The following PTPRD variants were observed in gnomAD, a reference collection of about 807,000 sequenced individuals.
PTPRD encodes the protein protein tyrosine phosphatase receptor type D.
Under a neutral mutation model 214.5 loss-of-function variants are expected in PTPRD, and 34 were observed. The ratio of observed to expected loss-of-function variants is 0.16; its 90% CI spans 0.12 to 0.21. The LOEUF (loss-of-function observed/expected upper bound fraction) is 0.21, where lower values mean the gene tolerates loss of function less well. PTPRD is among the 10% of genes least tolerant of loss of function. The probability of loss-of-function intolerance (pLI) is 1.00; values close to 1 mark genes in which losing one functional copy is unlikely to be tolerated. For synonymous variants in PTPRD, 1,128 were observed against 845.7 expected (o/e 1.33, Z -5.79); for missense variants, 2,545 against 2,398.7 (o/e 1.06, Z -1.27).
intron 3 of PTPRD, among the ~76,000 whole-genome samples, chr9:10,126,498 C>T (rs2098821068): frequency 6.6e-6 from 1 of 151,114 alleles, no homozygotes; most frequent in African/African-American, 2.4e-5. Context: ...TCCTGGCCAC[C>T]TAAAACTTTA....
chr9:9,071,161 C>T (rs774649710), intron 10 of PTPRD, among the ~76,000 whole-genome samples: 2 of 152,142 alleles, frequency 1.3e-5, no homozygotes, highest in Non-Finnish European at 2.9e-5. Context: ...ACATTTAATT[C>T]TTTCTGTGGC....
chr9:10,222,649 G>A (rs1292488775), intron 3 of PTPRD, among the ~76,000 whole-genome samples: 5 of 152,114 alleles, frequency 3.3e-5, no homozygotes, highest in Admixed American at 1.3e-4. Context: ...AACAGAAATC[G>A]TAAATGCTCA....
intron 7 of PTPRD, among the ~76,000 whole-genome samples, chr9:9,623,878 T>C (rs948169419): frequency 1.4e-4 from 22 of 152,176 alleles, no homozygotes; most frequent in African/African-American, 5.3e-4. Flanking sequence ...CCGTGCAATC[T>C]CTCTTAGATT....
chr9:9,918,350 GTAA>G (rs765487622), intron 5 of PTPRD, among the ~76,000 whole-genome samples: 9 of 21,144 alleles, frequency 4.3e-4, no homozygotes, highest in East Asian at 8.7e-4. Flanking sequence ...AACCAAAGAG[GTAA>G]AAAAAAAAAA....
intron 5 of PTPRD, among the ~76,000 whole-genome samples, chr9:9,855,511 G>A (rs1011615694): frequency 6.6e-6 from 1 of 152,162 alleles, no homozygotes; most frequent in African/African-American, 2.4e-5. Flanking sequence ...TAAAAGTAAA[G>A]CAGGATATTT....
At chr9:8,609,200 G>T (rs904053471) in intron 14 of PTPRD, among the ~76,000 whole-genome samples, 1 of 152,212 alleles carries the variant, frequency 6.6e-6, no homozygotes, top group Non-Finnish European at 1.5e-5. Flanking sequence ...ATTCCGGGAA[G>T]ATGAGACATA....
intron 2 of PTPRD, among the ~76,000 whole-genome samples, chr9:10,482,105 C>T (rs1187497114): frequency 1.3e-5 from 2 of 152,170 alleles, no homozygotes; most frequent in Non-Finnish European, 1.5e-5. Context: ...GGCGCGGTGG[C>T]TCACGCCTGT....
intron 3 of PTPRD, among the ~76,000 whole-genome samples, chr9:10,219,938 C>A (rs2099559629): frequency 1.3e-5 from 2 of 151,440 alleles, no homozygotes; most frequent in South Asian, 4.2e-4. Context: ...TTGTTATATA[C>A]AATCTGGATA....
chr9:8,905,910 T>C (rs2098704757), intron 11 of PTPRD, among the ~76,000 whole-genome samples: 1 of 152,186 alleles, frequency 6.6e-6, no homozygotes, highest in Non-Finnish European at 1.5e-5. Context: ...ATACTACACA[T>C]TACCAAATGC....
At chr9:9,261,787 A>C (rs1294272898) in intron 9 of PTPRD, among the ~76,000 whole-genome samples, 1 of 151,764 alleles carries the variant, frequency 6.6e-6, no homozygotes, top group African/African-American at 2.4e-5. Context: ...TTTTTGGCTA[A>C]GTGTGGCTCC....
At chr9:9,926,304 G>A (rs778398158) in intron 5 of PTPRD, among the ~76,000 whole-genome samples, 2 of 152,084 alleles carry the variant, frequency 1.3e-5, no homozygotes, top group Non-Finnish European at 2.9e-5. Flanking sequence ...CTGGGAAACA[G>A]TACAATAAAA....
intron 8 of PTPRD, among the ~76,000 whole-genome samples, chr9:9,434,299 C>T (rs1048716499): frequency 2.6e-5 from 4 of 152,110 alleles, no homozygotes; most frequent in Non-Finnish European, 5.9e-5. Flanking sequence ...ATTTAATGCA[C>T]TTAACCAGGG....
intron 2 of PTPRD, among the ~76,000 whole-genome samples, chr9:10,499,877 T>A (rs2043145979): frequency 6.6e-6 from 1 of 151,840 alleles, no homozygotes. Flanking sequence ...TATAGATATA[T>A]CTTTTTAAAA....
At chr9:10,314,975 T>G (rs929651260) in intron 3 of PTPRD, among the ~76,000 whole-genome samples, 16 of 151,974 alleles carry the variant, frequency 1.1e-4, no homozygotes, top group Admixed American at 5.3e-4. Context: ...ACCTCCTAAC[T>G]CTACTTCCTT....
chr9:8,978,272 C>A (rs75225643), intron 11 of PTPRD, among the ~76,000 whole-genome samples: 1 of 152,096 alleles, frequency 6.6e-6, no homozygotes, highest in African/African-American at 2.4e-5. Context: ...GGACAACATT[C>A]TTCATCGCCA....
chr9:9,213,199 G>C (rs2099949940), intron 9 of PTPRD, among the ~76,000 whole-genome samples: 1 of 152,134 alleles, frequency 6.6e-6, no homozygotes, highest in South Asian at 2.1e-4. Context: ...TCTTGTTGCA[G>C]AGAATTGACT....
At chr9:9,070,981 C>G (rs538945007) in intron 10 of PTPRD, among the ~76,000 whole-genome samples, 1 of 152,156 alleles carries the variant, frequency 6.6e-6, no homozygotes, top group Non-Finnish European at 1.5e-5. Context: ...AGTGCCTCCC[C>G]CAGCTCACTG....
intron 3 of PTPRD, among the ~76,000 whole-genome samples, chr9:10,130,125 A>G (rs1423201876): frequency 6.6e-6 from 1 of 151,666 alleles, no homozygotes; most frequent in Non-Finnish European, 1.5e-5. Flanking sequence ...TATAAATGTA[A>G]ACTTTTTAGA....
At chr9:9,684,546 G>A (rs2097134724) in intron 7 of PTPRD, among the ~76,000 whole-genome samples, 1 of 151,676 alleles carries the variant, frequency 6.6e-6, no homozygotes, top group Non-Finnish European at 1.5e-5. Context: ...GCTGGTAATT[G>A]AGTAATAATA....
Sources: gnomAD v4.1 joint callset for allele counts (sites outside exome capture counted in the v4.1 genomes callset) on GRCh38, gnomAD v4.1.1 for gene constraint, MANE v1.5 for transcripts, NCBI Gene and HGNC (gene_info 2026-07-23, HGNC 2026-07-21) for gene names.